OC90: variants seen among roughly 807,000 people sequenced by gnomAD.
OC90 encodes the protein otoconin 90.
In OC90, 46 loss-of-function variants were observed where a neutral mutation model predicts 47.3. The observed-to-expected ratio is 0.97, with a 90% CI of 0.77 to 1.24. The LOEUF (loss-of-function observed/expected upper bound fraction) is 1.24. Ranked by LOEUF, OC90 falls within the 50% of genes most tolerant of loss-of-function variation. OC90 has a pLI of 0.00. For missense variants in OC90, 688 were observed against 583.9 expected (o/e 1.18, Z -1.84); for synonymous variants, 271 against 219.5 (o/e 1.23, Z -2.07).
At chr8:132,028,613 A>AGGAG (rs1273563866) in intron 13 of OC90, among the ~76,000 whole-genome samples, 17 of 45,338 alleles carry the variant, frequency 3.7e-4, no homozygotes, top group African/African-American at 1.4e-3. Context: ...GAAGGAGGGA[A>AGGAG]GGAGGAAGGA....
chr8:132,037,323 C>T (rs755964989), intron 9 of OC90, 115 bp downstream of exon 9: 60 of 853,428 alleles, frequency 7.0e-5, no homozygotes, highest in Admixed American at 1.8e-4. Context: ...ACCATCCCTT[C>T]GGTGCTGTTC....
intron 13 of OC90, among the ~76,000 whole-genome samples, chr8:132,028,526 A>AAAGAAAAGAAAGAAAGAAAGAAAG (rs1822797031): frequency 2.3e-5 from 2 of 87,470 alleles, no homozygotes; most frequent in African/African-American, 1.0e-4. Context: ...AGAAAGAAAG[A>AAAGAAAAGAAAGAAAGAAAGAAAG]AAAGAAAGAA....
At chr8:132,040,726 C>A (rs531375683) in intron 6 of OC90, among the ~76,000 whole-genome samples, 17 of 152,328 alleles carry the variant, frequency 1.1e-4, no homozygotes, top group Non-Finnish European at 2.1e-4. Flanking sequence ...TTAAATAATT[C>A]TGCAATGCTA....
At chr8:132,049,843 A>C (rs765274491) in intron 2 of OC90, 2 of 518,408 alleles carry the variant, frequency 3.9e-6, no homozygotes, top group African/African-American at 3.8e-5. Context: ...GTAATGTATC[A>C]CAGATGATAA....
chr8:132,059,297 C>T (rs1022042962), intron 1 of OC90, 44 bp downstream of exon 1: 10 of 152,244 alleles, frequency 6.6e-5, no homozygotes, highest in African/African-American at 2.4e-4. Context: ...CCCTCCCTCC[C>T]CTGCTCTCTG....
At chr8:132,033,646 C>T (rs774150427) in intron 10 of OC90, among the ~76,000 whole-genome samples, 9 of 152,212 alleles carry the variant, frequency 5.9e-5, no homozygotes, top group Non-Finnish European at 1.2e-4. Context: ...AGTGCAAGTT[C>T]CTTCCTGTGG....
chr8:132,057,189 T>C (rs1391095202), intron 1 of OC90, among the ~76,000 whole-genome samples: 1 of 152,196 alleles, frequency 6.6e-6, no homozygotes. Flanking sequence ...AAAGGCTCAA[T>C]AAGTAGTAGC....
chr8:132,036,931 G>T (rs1374891692), intron 9 of OC90, among the ~76,000 whole-genome samples: 1 of 152,200 alleles, frequency 6.6e-6, no homozygotes, highest in Non-Finnish European at 1.5e-5. Context: ...CCACACCTGG[G>T]AGAAGATACT....
At chr8:132,036,336 C>T in intron 9 of OC90, 1 of 780,636 alleles carries the variant, frequency 1.3e-6, no homozygotes. Context: ...CCACTGGATT[C>T]CAGGCTGTCC....
intron 12 of OC90, among the ~76,000 whole-genome samples, chr8:132,030,731 G>C (rs1822860991): frequency 6.6e-6 from 1 of 152,212 alleles, no homozygotes; most frequent in Admixed American, 6.5e-5. Context: ...GGTAAGTTTT[G>C]AAGGCTGACT....
intron 13 of OC90, among the ~76,000 whole-genome samples, chr8:132,027,322 G>A (rs966380760): frequency 4.0e-4 from 61 of 152,228 alleles, no homozygotes; most frequent in African/African-American, 1.3e-3. Flanking sequence ...TAGAATGAAC[G>A]GATGAATGAG....
At chr8:132,049,756 G>T in intron 2 of OC90, 2 of 495,686 alleles carry the variant, frequency 4.0e-6, no homozygotes, top group Non-Finnish European at 8.3e-6. Context: ...TTGGTTTGAG[G>T]TTGCATTTCT....
intron 12 of OC90, among the ~76,000 whole-genome samples, chr8:132,029,987 T>G (rs1822851114): frequency 6.6e-6 from 1 of 152,234 alleles, no homozygotes. Context: ...GCTTTTTTAT[T>G]GCACCTCTTC....
intron 3 of OC90, among the ~76,000 whole-genome samples, chr8:132,044,935 A>T (rs772405611): frequency 6.6e-6 from 1 of 152,250 alleles, no homozygotes; most frequent in Non-Finnish European, 1.5e-5. Flanking sequence ...GCTGCTCCAC[A>T]TAAGTCCCAT....
rs559817016 is a variant in OC90, at chr8:132,047,521, C to G, written c.47-1638G>C. On this transcript the variant is annotated intron_variant, in intron 2 of 13. Coordinates refer to ENST00000254627, the MANE Select transcript of OC90 (RefSeq NM_001080399.3). ...TCCAATTGTAAAAAGTTTGTTTCAT[C>G]TGGGAGTTCCAGCGACTCTAAGTTT... is the stretch of plus-strand genomic sequence containing the variant. Among the ~76,000 whole-genome samples the G allele has an allele frequency of 3.3e-5, 5 of 152,108 alleles. No individual in the cohort carries two copies. The South Asian group carries it at 1.0e-3, about 32-fold the overall frequency.
chr8:132,028,810 A>AAAGAAG (rs762991621), intron 13 of OC90, among the ~76,000 whole-genome samples: 1 of 89,094 alleles, frequency 1.1e-5, no homozygotes. Flanking sequence ...AAAGAAAGAA[A>AAAGAAG]GAAAGAAAGA....
intron 2 of OC90, among the ~76,000 whole-genome samples, chr8:132,049,049 G>T (rs545912969): frequency 4.0e-5 from 6 of 151,626 alleles, no homozygotes; most frequent in Admixed American, 1.3e-4. Flanking sequence ...CAATGAGGTT[G>T]ACGATGAAGG....
At position 132,024,725 on chromosome 8, in the gene OC90, G is replaced by T. The variant is rs1454422810; in HGVS notation, c.1190C>A (p.Ala397Glu). The change falls in exon 14 of 14, where the codon GCA becomes GAA. Residue 397 changes from alanine (A) to glutamate (E), a missense_variant. Physicochemically the swap from Ala to Glu is moderately radical, Grantham distance 107. Coordinates refer to ENST00000254627, the MANE Select transcript of OC90 (RefSeq NM_001080399.3). ...GGAGGCAGAGGTCATGCACTCAGCTGCCGTCTGGTCACAGGCACAGAGCAA... is the reference window on the plus strand; with the variant it reads ...GGAGGCAGAGGTCATGCACTCAGCTTCCGTCTGGTCACAGGCACAGAGCAA... ...EKLLCACDQT[A>E]AECMTSASFN... is the part of the protein sequence containing the mutation. 3 of 1,613,768 alleles carry T rather than the reference G, an allele frequency of 1.9e-6. No individual in the cohort carries two copies. Among genetic ancestry groups the T allele is most frequent in the Non-Finnish European group, 2.5e-6 (3 of 1,179,846 alleles).
intron 4 of OC90, among the ~76,000 whole-genome samples, chr8:132,042,162 T>A (rs755124064): frequency 6.6e-6 from 1 of 152,116 alleles, no homozygotes; most frequent in Non-Finnish European, 1.5e-5. Flanking sequence ...CTACCTTGAA[T>A]GTGGATGAGG....
Sources: allele counts gnomAD v4.1 joint callset (sites outside exome capture counted in the v4.1 genomes callset), GRCh38; gene constraint gnomAD v4.1.1; transcripts MANE v1.5; gene names NCBI Gene and HGNC (gene_info 2026-07-23, HGNC 2026-07-21).